Variants in NAA11 observed in about 807,000 individuals in gnomAD.
The protein encoded by NAA11 is N-alpha-acetyltransferase 11.
NAA11 carries 15 observed loss-of-function variants against 16.1 expected under a neutral mutation model. That is an observed-to-expected ratio of 0.93 (90% CI 0.62 to 1.44). NAA11 has a LOEUF of 1.44. Among genes scored for constraint, NAA11 ranks in the 40% most tolerant of loss-of-function variants. The pLI is 0.00. For synonymous variants in NAA11, 122 were observed against 112.4 expected (o/e 1.09, Z -0.54); for missense variants, 298 against 291.3 (o/e 1.02, Z -0.17).
intron 2 of NAA11, among the ~76,000 whole-genome samples, chr4:79,241,133 A>G (rs1466871649): frequency 6.6e-6 from 1 of 152,178 alleles, no homozygotes; most frequent in African/African-American, 2.4e-5. Context: ...CCCCTGAGAC[A>G]GCAAGACCAA....
At chr4:79,220,904 T>A (rs1295874629), downstream of NAA11, among the ~76,000 whole-genome samples, 1 of 152,110 alleles carries the variant, frequency 6.6e-6, no homozygotes. Context: ...TTTCCAATTC[T>A]GTGAAGAAAG....
chr4:79,227,889 T>C (rs1006102369), intron 2 of NAA11: 1 of 152,034 alleles, frequency 6.6e-6, no homozygotes, highest in African/African-American at 2.4e-5. Context: ...GCTCATTGAG[T>C]TATGAAAATA....
At chr4:79,274,803 G>A (rs774090232) in intron 2 of NAA11, among the ~76,000 whole-genome samples, 3 of 152,112 alleles carry the variant, frequency 2.0e-5, no homozygotes, top group Middle Eastern at 3.4e-3. Flanking sequence ...ATATAGTCTC[G>A]AGCAGCACAT....
chr4:79,298,987 T>C (rs1270435286), intron 1 of NAA11: 1 of 152,268 alleles, frequency 6.6e-6, no homozygotes, highest in Non-Finnish European at 1.5e-5. Flanking sequence ...CCTTTGTCTT[T>C]TTCTACTTGT....
At chr4:79,175,005 T>G in the NAA11 span, among the ~76,000 whole-genome samples, 9 of 152,264 alleles carry the variant, frequency 5.9e-5, no homozygotes, top group Non-Finnish European at 1.2e-4. Flanking sequence ...TTGAAGCATG[T>G]AAGTCCTGGC....
At chr4:79,305,340 T>G (rs1723545584) in intron 1 of NAA11, among the ~76,000 whole-genome samples, 1 of 152,244 alleles carries the variant, frequency 6.6e-6, no homozygotes, top group Non-Finnish European at 1.5e-5. Context: ...CTATACTGCC[T>G]TTTAGAAAAT....
intron 2 of NAA11, among the ~76,000 whole-genome samples, chr4:79,286,324 A>T (rs1480725168): frequency 1.3e-5 from 2 of 152,074 alleles, no homozygotes; most frequent in African/African-American, 2.4e-5. Context: ...GCAAATATAC[A>T]CCAACCTCTT....
At chr4:79,192,522 T>C in the NAA11 span, among the ~76,000 whole-genome samples, 3 of 151,794 alleles carry the variant, frequency 2.0e-5, no homozygotes, top group Non-Finnish European at 4.4e-5. Context: ...AATGATGGTT[T>C]CCAGCTTCAT....
Position 79,317,005 on chromosome 4 carries a change from T to C in NAA11, c.*799A>G, listed in dbSNP as rs1723945444. ...AATACTACCTACTTTACAGGGTTGC[T>C]GAGAGGGTTAAATATGTAACTAATG... On this transcript the variant is annotated 3_prime_UTR_variant, in exon 2 of 2. Transcript: ENST00000286794. The C allele has an allele frequency of 6.6e-6, 1 of 152,160 alleles. No homozygotes were observed. Among genetic ancestry groups the C allele is most frequent in the African/African-American group, 2.4e-5 (1 of 41,434 alleles). The allele number at this position is 152,160 out of a possible 1,614,324, so 9.4% of individuals were successfully genotyped here.
the NAA11 span, among the ~76,000 whole-genome samples, chr4:79,167,535 T>A: frequency 1.3e-5 from 2 of 152,176 alleles, no homozygotes; most frequent in Admixed American, 6.5e-5. Flanking sequence ...AAGTGCTCGA[T>A]CAGTACCCCA....
At chr4:79,279,987 T>C (rs765679565) in intron 2 of NAA11, among the ~76,000 whole-genome samples, 72 of 152,024 alleles carry the variant, frequency 4.7e-4, no homozygotes, top group Non-Finnish European at 8.7e-4. Flanking sequence ...GCAACATTCA[T>C]GGATGTTTTG....
chr4:79,160,961 ATTTTTC>A, the NAA11 span, among the ~76,000 whole-genome samples: 2 of 152,092 alleles, frequency 1.3e-5, no homozygotes, highest in African/African-American at 4.8e-5. Context: ...CTGATTACTT[ATTTTTC>A]TTTTTCTGTT....
At chr4:79,283,976 T>G (rs967332274) in intron 2 of NAA11, among the ~76,000 whole-genome samples, 3 of 152,006 alleles carry the variant, frequency 2.0e-5, no homozygotes, top group Admixed American at 6.6e-5. Flanking sequence ...AACAAATATT[T>G]GTTGAATGAA....
chr4:79,267,601 A>G (rs1254494636), intron 2 of NAA11, among the ~76,000 whole-genome samples: 1 of 152,150 alleles, frequency 6.6e-6, no homozygotes, highest in Admixed American at 6.6e-5. Context: ...ATAACTGCAA[A>G]TACAAGTCCC....
chr4:79,210,823 CGG>C, the NAA11 span, among the ~76,000 whole-genome samples: 7 of 152,100 alleles, frequency 4.6e-5, no homozygotes, highest in Non-Finnish European at 8.8e-5. Context: ...AGCCAGATCC[CGG>C]CCCAATAGGT....
In NAA11 at chr4:79,266,403, TA is replaced by T. The variant is rs375076939; in HGVS notation, c.*122+27601del. Among the ~76,000 whole-genome samples the T allele has an allele frequency of 3.7e-4, 57 of 152,150 alleles. 1 individual carries two copies. In the South Asian group the frequency reaches 5.0e-3, roughly 13 times the overall value. ...CCAACAACAATAACAACCATAGGAA[TA>T]AAAAACAAATACTCAGGACTGCCTG... On this transcript the variant is annotated intron_variant and NMD_transcript_variant, in intron 2 of 2. Transcript: ENST00000511542.
chr4:79,299,282 T>TA (rs1286465095), intron 1 of NAA11: 1 of 152,228 alleles, frequency 6.6e-6, no homozygotes, highest in Non-Finnish European at 1.5e-5. Flanking sequence ...CACCAGTGCC[T>TA]AGTCTTCATG....
intron 2 of NAA11, among the ~76,000 whole-genome samples, chr4:79,245,725 T>C (rs7696482): frequency 6.6e-6 from 1 of 150,746 alleles, no homozygotes; most frequent in Non-Finnish European, 1.5e-5. Context: ...TCTGGGAGGT[T>C]GGGGGCGCCC....
the NAA11 span, among the ~76,000 whole-genome samples, chr4:79,187,917 G>T: frequency 8.0e-5 from 12 of 149,788 alleles, no homozygotes; most frequent in East Asian, 4.0e-4. Flanking sequence ...GAGAATGGCG[G>T]GAACCCGGGA....
Sources: allele counts gnomAD v4.1 joint callset (sites outside exome capture counted in the v4.1 genomes callset), GRCh38; gene constraint gnomAD v4.1.1; transcripts MANE v1.5; gene names NCBI Gene and HGNC (gene_info 2026-07-23, HGNC 2026-07-21).